The following ITCH variants were observed in gnomAD, a reference collection of about 807,000 sequenced individuals.
ITCH encodes the protein itchy E3 ubiquitin protein ligase.
ITCH carries 28 observed loss-of-function variants against 126.8 expected under a neutral mutation model. That is an observed-to-expected ratio of 0.22 (90% CI 0.16 to 0.30). ITCH has a LOEUF of 0.30. Ranked by LOEUF, ITCH falls within the 10% of genes least tolerant of loss-of-function variation. The pLI is 1.00. For synonymous variants in ITCH, 342 were observed against 340.0 expected (o/e 1.01, Z -0.06); for missense variants, 631 against 1,032.4 (o/e 0.61, Z 5.33).
rs570360645 is a variant in ITCH, at chr20:34,501,909, C to T, written c.2417-2422C>T. 1.3e-3 allele frequency among the ~76,000 whole-genome samples: 190 copies of T among 151,884 alleles called. 1 individual carries two copies. Among genetic ancestry groups the T allele is most frequent in the African/African-American group, 4.5e-3 (186 of 41,406 alleles). ...AAATAAAGTATGAATAATACACCTGCAAAAATAAATTATAGATGGTCAAGG... is the reference window on the plus strand; with the variant it reads ...AAATAAAGTATGAATAATACACCTGTAAAAATAAATTATAGATGGTCAAGG... On this transcript the variant is annotated intron_variant, in intron 23 of 24. Coordinates refer to ENST00000374864, the MANE Select transcript of ITCH (RefSeq NM_031483.7).
intron 20 of ITCH, among the ~76,000 whole-genome samples, chr20:34,483,773 C>T (rs1169617912): frequency 6.6e-6 from 1 of 152,224 alleles, no homozygotes; most frequent in East Asian, 1.9e-4. Flanking sequence ...TTATCTTCAG[C>T]AGCACCCCAC....
At position 34,481,070 on chromosome 20, in the gene ITCH, A is replaced by G; in HGVS notation, c.1957A>G (p.Asn653Asp). ...FYNSLIWVKE[N>D]NIEECDLEMY... Reference sequence around the variant, plus strand: ...GTGCTAATTTCATTTGTGCAGGGAAAACAATATTGAGGAATGTGATTTGGA... The same window carrying G: ...GTGCTAATTTCATTTGTGCAGGGAAGACAATATTGAGGAATGTGATTTGGA... The change falls in exon 20 of 25, where the codon AAC (asparagine) becomes GAC (aspartate). Residue 653 changes from asparagine (N) to aspartate (D), a missense_variant. Coordinates refer to ENST00000374864, the MANE Select transcript of ITCH (RefSeq NM_031483.7). 4 of 1,613,550 alleles carry G rather than the reference A, an allele frequency of 2.5e-6. No homozygotes were observed. The highest frequency in any genetic ancestry group is 3.4e-6 in the Non-Finnish European group (4 of 1,179,666).
At chr20:34,468,871 C>T (rs1356842249) in intron 14 of ITCH, among the ~76,000 whole-genome samples, 1 of 151,964 alleles carries the variant, frequency 6.6e-6, no homozygotes, top group African/African-American at 2.4e-5. Flanking sequence ...CTTTTCCCCT[C>T]ACACAAATAA....
chr20:34,456,214 ATTTTTTTT>A (rs1174099069), intron 12 of ITCH, among the ~76,000 whole-genome samples: 1 of 17,712 alleles, frequency 5.6e-5, no homozygotes, highest in African/African-American at 2.1e-4. Flanking sequence ...ATATATATAT[ATTTTTTTT>A]TTTTTTTTTT....
At chr20:34,478,621 A>C (rs1253271712) in intron 17 of ITCH, among the ~76,000 whole-genome samples, 2 of 152,210 alleles carry the variant, frequency 1.3e-5, no homozygotes, top group Non-Finnish European at 2.9e-5. Context: ...ATTAATATCT[A>C]CATTTCTAGG....
intron 24 of ITCH, among the ~76,000 whole-genome samples, chr20:34,506,545 A>C (rs1222551009): frequency 6.6e-6 from 1 of 152,178 alleles, no homozygotes; most frequent in Non-Finnish European, 1.5e-5. Flanking sequence ...AGGAGCAATA[A>C]CTATTGTGAA....
At chr20:34,457,645 A>C (rs535617528) in intron 13 of ITCH, among the ~76,000 whole-genome samples, 171 bp downstream of exon 13, 3 of 152,352 alleles carry the variant, frequency 2.0e-5, no homozygotes, top group East Asian at 1.9e-4. Context: ...GAAAGTTTGA[A>C]GATTTCTTCA....
intron 7 of ITCH, among the ~76,000 whole-genome samples, chr20:34,433,604 C>G (rs200700953): frequency 7.1e-6 from 1 of 140,336 alleles, no homozygotes; most frequent in Non-Finnish European, 1.5e-5. Context: ...CTGCAGCGAG[C>G]AGTGATTGTG....
chr20:34,479,925 GT>G, intron 18 of ITCH, 136 bp downstream of exon 18: 2 of 778,324 alleles, frequency 2.6e-6, no homozygotes, highest in Non-Finnish European at 4.3e-6. Flanking sequence ...TTGAGACAGA[GT>G]CTTGCTCTGT....
intron 17 of ITCH, 129 bp downstream of exon 17, chr20:34,477,989 T>C: frequency 1.7e-6 from 2 of 1,185,966 alleles, no homozygotes; most frequent in South Asian, 2.8e-5. Context: ...ATTATACCTT[T>C]ATTATGCTGT....
intron 1 of ITCH, among the ~76,000 whole-genome samples, chr20:34,366,428 G>A (rs1194144797): frequency 1.3e-5 from 2 of 151,996 alleles, no homozygotes; most frequent in East Asian, 1.9e-4. Context: ...TTCTCTTTAC[G>A]TTGCCCAGTC....
intron 3 of ITCH, among the ~76,000 whole-genome samples, chr20:34,404,204 G>A (rs2038976238): frequency 6.6e-6 from 1 of 152,032 alleles, no homozygotes; most frequent in South Asian, 2.1e-4. Flanking sequence ...GGTTTATAAT[G>A]TATAGTTTTT....
At chr20:34,384,147 C>CTTTTCTT (rs2038177807) in intron 2 of ITCH, 1 of 123,960 alleles carries the variant, frequency 8.1e-6, no homozygotes, top group South Asian at 2.7e-4. Flanking sequence ...TGTCCGGCCT[C>CTTTTCTT]TTTTTTTTTT....
intron 6 of ITCH, among the ~76,000 whole-genome samples, chr20:34,422,182 C>G (rs1479825140): frequency 6.6e-6 from 1 of 152,146 alleles, no homozygotes; most frequent in Admixed American, 6.5e-5. Flanking sequence ...TAGGTGTCAT[C>G]CCCATTTTAT....
intron 3 of ITCH, among the ~76,000 whole-genome samples, chr20:34,400,997 G>A (rs939376365): frequency 1.3e-5 from 2 of 152,106 alleles, no homozygotes; most frequent in Non-Finnish European, 2.9e-5. Flanking sequence ...GACCTCAAGT[G>A]ATTCACCCAC....
intron 10 of ITCH, among the ~76,000 whole-genome samples, chr20:34,443,254 G>A (rs1336615477): frequency 6.6e-6 from 1 of 151,922 alleles, no homozygotes; most frequent in Admixed American, 6.6e-5. Flanking sequence ...GCTCGCGCCT[G>A]TAATCCCAGC....
chr20:34,501,977 A>G (rs1017538843), intron 23 of ITCH, among the ~76,000 whole-genome samples: 3 of 152,180 alleles, frequency 2.0e-5, no homozygotes, highest in South Asian at 2.1e-4. Flanking sequence ...GTATCAGAAT[A>G]TATCTCCTGT....
chr20:34,447,435 T>G (rs1984599958), intron 11 of ITCH, among the ~76,000 whole-genome samples: 1 of 152,184 alleles, frequency 6.6e-6, no homozygotes, highest in South Asian at 2.1e-4. Context: ...ATTGAGTATA[T>G]GAAGTGGCCT....
chr20:34,440,312 A>G lies in ITCH; in HGVS notation c.837A>G (p.Leu279=), dbSNP rs763708482. Residue 279 remains leucine (L), a synonymous_variant, in exon 9 of 25, where the codon TTA becomes TTG. Transcript: ENST00000374864. ...CTGGAGGCTCAGGCCCTAGGCCATTAAATCCTGTAACTCAAGCTCCCTTGC... is the reference window on the plus strand; with the variant it reads ...CTGGAGGCTCAGGCCCTAGGCCATTGAATCCTGTAACTCAAGCTCCCTTGC... ...TISGGSGPRP[L]NPVTQAPLPP... 7.5e-5 allele frequency: 121 copies of G among 1,614,010 alleles called. No individual in the cohort carries two copies. Among genetic ancestry groups the G allele is most frequent in the Admixed American group, 1.0e-4 (6 of 60,014 alleles).
Sources: allele counts gnomAD v4.1 joint callset (sites outside exome capture counted in the v4.1 genomes callset), GRCh38; gene constraint gnomAD v4.1.1; transcripts MANE v1.5; gene names NCBI Gene and HGNC (gene_info 2026-07-23, HGNC 2026-07-21).